SNTB2: variants seen among roughly 807,000 people sequenced by gnomAD.
SNTB2 encodes the protein syntrophin beta 2.
A neutral mutation model predicts 46.2 loss-of-function variants in SNTB2; 34 were observed. That is an observed-to-expected ratio of 0.74 (90% CI 0.56 to 0.98). The LOEUF is 0.98. Among genes scored for constraint, SNTB2 ranks in the 50% least tolerant of loss-of-function variants. The pLI is 0.00. For missense variants in SNTB2, 603 were observed against 731.4 expected, an observed-to-expected ratio of 0.82 and a Z score of 2.02; for synonymous variants, 290 against 312.6, an observed-to-expected ratio of 0.93 and a Z score of 0.76.
intron 4 of SNTB2, among the ~76,000 whole-genome samples, chr16:69,280,441 G>GCTTTGCCCATTTTTTAACTGGGT (rs1473233709): frequency 6.6e-6 from 1 of 151,962 alleles, no homozygotes. Flanking sequence ...GGGGCGGCCG[G>GCTTTGCCCATTTTTTAACTGGGT]GCAGAGGCGC....
At chr16:69,276,433 G>GA (rs1247032290) in intron 4 of SNTB2, among the ~76,000 whole-genome samples, 3 of 152,174 alleles carry the variant, frequency 2.0e-5, no homozygotes, top group African/African-American at 7.2e-5. Flanking sequence ...AAATCTGTAG[G>GA]AAAAAATTCT....
chr16:69,262,096 G>C (rs1964839879), intron 3 of SNTB2, among the ~76,000 whole-genome samples: 3 of 152,176 alleles, frequency 2.0e-5, no homozygotes, highest in Admixed American at 2.0e-4. Flanking sequence ...GCATGCACCT[G>C]TGTCCTTTCA....
At chr16:69,272,889 CAAAAAAAAA>C (rs34011617) in intron 4 of SNTB2, among the ~76,000 whole-genome samples, 1 of 80,748 alleles carries the variant, frequency 1.2e-5, no homozygotes, top group Non-Finnish European at 2.5e-5. Context: ...GACTCTGTCT[CAAAAAAAAA>C]AAAAAAAAAA....
At chr16:69,200,202 A>G (rs1356715344) in intron 1 of SNTB2, among the ~76,000 whole-genome samples, 2 of 152,206 alleles carry the variant, frequency 1.3e-5, no homozygotes, top group Non-Finnish European at 2.9e-5. Context: ...TAACATAAAT[A>G]TACTTATTTG....
At position 69,306,326 on chromosome 16, in the gene SNTB2, A is replaced by G. The variant is rs1337556012; in HGVS notation, c.*5402A>G. 1.3e-5 allele frequency: 2 copies of G among 152,214 alleles called. No homozygotes were observed. 9.4% of individuals were successfully genotyped at this position (152,214 alleles called of 1,614,324 possible). A position where few individuals can be genotyped will look rare whatever the true frequency, so the allele number is the denominator to read the frequency against. On this transcript the variant is annotated 3_prime_UTR_variant, in exon 7 of 7. Transcript: ENST00000336278. ...TGTAGTAACTCAGAAGAATCTTTTA[A>G]TAAGTTTCTTCTTTTGTTTCAAAAC...
At chr16:69,216,599 C>T (rs955342367) in intron 1 of SNTB2, among the ~76,000 whole-genome samples, 1 of 151,352 alleles carries the variant, frequency 6.6e-6, no homozygotes, top group Non-Finnish European at 1.5e-5. Flanking sequence ...ATGGGAAGAT[C>T]GCTTATACAT....
At chr16:69,290,141 G>A (rs1248831841) in intron 5 of SNTB2, among the ~76,000 whole-genome samples, 3 of 152,160 alleles carry the variant, frequency 2.0e-5, no homozygotes, top group African/African-American at 7.2e-5. Flanking sequence ...TATAGTTACA[G>A]TAGAGCTAAT....
At chr16:69,274,177 T>A (rs1964963944) in intron 4 of SNTB2, among the ~76,000 whole-genome samples, 1 of 151,534 alleles carries the variant, frequency 6.6e-6, no homozygotes, top group South Asian at 2.1e-4. Context: ...CCCAGCGTGG[T>A]GGCATATGCC....
At chr16:69,187,773 G>GGGGGGGGGGGGGGGGGGGGGC in intron 1 of SNTB2, 27 bp downstream of exon 1, 4 of 331,854 alleles carry the variant, frequency 1.2e-5, no homozygotes, top group Non-Finnish European at 1.7e-5. Flanking sequence ...GGGAGGGTGG[G>GGGGGGGGGGGGGGGGGGGGGC]CAGGCCGCGG....
At chr16:69,240,088 T>C (rs1054531026) in intron 1 of SNTB2, among the ~76,000 whole-genome samples, 7 of 152,212 alleles carry the variant, frequency 4.6e-5, no homozygotes, top group Admixed American at 3.3e-4. Flanking sequence ...GCTAAGAACA[T>C]TAGTGTACAG....
intron 1 of SNTB2, among the ~76,000 whole-genome samples, chr16:69,208,068 C>T (rs1429204724): frequency 2.8e-5 from 4 of 144,074 alleles, no homozygotes; most frequent in Non-Finnish European, 4.5e-5. Context: ...GAGATAGCAC[C>T]ATTGCACTCC....
intron 1 of SNTB2, among the ~76,000 whole-genome samples, chr16:69,209,147 T>C (rs1035855040): frequency 6.6e-6 from 1 of 152,176 alleles, no homozygotes; most frequent in Admixed American, 6.5e-5. Flanking sequence ...AATTTTCTTG[T>C]ATTTTTAGTA....
intron 1 of SNTB2, among the ~76,000 whole-genome samples, chr16:69,201,658 C>T (rs1334028160): frequency 2.6e-5 from 4 of 151,960 alleles, no homozygotes; most frequent in African/African-American, 9.7e-5. Flanking sequence ...AACAATACTT[C>T]TCAGAAAACA....
At chr16:69,262,594 CTAAT>C (rs1452053556) in intron 3 of SNTB2, among the ~76,000 whole-genome samples, 12 of 151,898 alleles carry the variant, frequency 7.9e-5, no homozygotes, top group African/African-American at 2.7e-4. Context: ...TCAAATCAGG[CTAAT>C]TAACATATCC....
chr16:69,196,566 A>G (rs1964108046), intron 1 of SNTB2, among the ~76,000 whole-genome samples: 2 of 151,448 alleles, frequency 1.3e-5, no homozygotes, highest in Admixed American at 6.6e-5. Context: ...GTAGAGATGG[A>G]GTTTCACCAT....
chr16:69,231,111 G>A (rs1028692179), intron 1 of SNTB2: 1 of 152,114 alleles, frequency 6.6e-6, no homozygotes. Context: ...ATTAAATAAA[G>A]TCTTATCTTT....
At chr16:69,276,814 C>T (rs954082952) in intron 4 of SNTB2, among the ~76,000 whole-genome samples, 5 of 152,014 alleles carry the variant, frequency 3.3e-5, no homozygotes, top group East Asian at 1.9e-4. Context: ...GCAGTTGGCA[C>T]GAAACTGTTT....
chr16:69,256,860 T>A (rs1360040629), intron 2 of SNTB2, among the ~76,000 whole-genome samples: 1 of 152,144 alleles, frequency 6.6e-6, no homozygotes, highest in Non-Finnish European at 1.5e-5. Flanking sequence ...TTCTAAATGA[T>A]TCTATGTTAT....
At chr16:69,280,535 G>C (rs904930655) in intron 4 of SNTB2, among the ~76,000 whole-genome samples, 1 of 139,504 alleles carries the variant, frequency 7.2e-6, no homozygotes, top group Non-Finnish European at 1.5e-5. Context: ...TGGCCGGGCG[G>C]GGGGCTCACA....
Sources: gnomAD v4.1 joint callset for allele counts (sites outside exome capture counted in the v4.1 genomes callset) on GRCh38, gnomAD v4.1.1 for gene constraint, MANE v1.5 for transcripts, NCBI Gene and HGNC (gene_info 2026-07-23, HGNC 2026-07-21) for gene names.